GRM8: variants seen among roughly 807,000 people sequenced by gnomAD.
The protein encoded by GRM8 is metabotropic glutamate receptor 8.
A neutral mutation model predicts 87.2 loss-of-function variants in GRM8; 47 were observed. The ratio of observed to expected loss-of-function variants is 0.54; its 90% confidence interval spans 0.43 to 0.69. GRM8 has a LOEUF of 0.69. Among genes scored for constraint, GRM8 ranks in the 30% least tolerant of loss-of-function variants. The probability of loss-of-function intolerance (pLI) is 0.00; values close to 1 mark genes in which losing one functional copy is unlikely to be tolerated. For missense variants in GRM8, 1,019 were observed against 1,139.2 expected, an observed-to-expected ratio of 0.89 and a Z score of 1.52; for synonymous variants, 396 against 404.5, an observed-to-expected ratio of 0.98 and a Z score of 0.25.
At chr7:127,003,551 T>C (rs1367895581) in intron 3 of GRM8, among the ~76,000 whole-genome samples, 1 of 151,686 alleles carries the variant, frequency 6.6e-6, no homozygotes, top group Admixed American at 6.6e-5. Flanking sequence ...GCAATTTGTG[T>C]ACTAGAAGAG....
At chr7:126,439,999 G>T (rs1359246865) in intron 10 of GRM8, among the ~76,000 whole-genome samples, 1 of 151,852 alleles carries the variant, frequency 6.6e-6, no homozygotes, top group Non-Finnish European at 1.5e-5. Flanking sequence ...TTACAAACAA[G>T]TCAAAATTTA....
At chr7:126,608,523 G>A (rs1041664522) in intron 8 of GRM8, among the ~76,000 whole-genome samples, 1 of 152,142 alleles carries the variant, frequency 6.6e-6, no homozygotes, top group African/African-American at 2.4e-5. Context: ...CCCTCACATG[G>A]CCACTTGTGG....
intron 9 of GRM8, among the ~76,000 whole-genome samples, chr7:126,471,246 T>C (rs976780161): frequency 2.6e-5 from 4 of 152,218 alleles, no homozygotes; most frequent in Admixed American, 6.5e-5. Flanking sequence ...TTTAGTGTTT[T>C]AGACATGAAG....
chr7:126,837,323 A>G (rs188539509), intron 6 of GRM8, among the ~76,000 whole-genome samples: 5 of 152,358 alleles, frequency 3.3e-5, no homozygotes, highest in Admixed American at 6.5e-5. Context: ...ATGTTACATA[A>G]AAAGGAATCA....
chr7:126,977,830 G>A (rs545343067), intron 3 of GRM8, among the ~76,000 whole-genome samples: 2 of 152,252 alleles, frequency 1.3e-5, no homozygotes, highest in East Asian at 3.9e-4. Flanking sequence ...AAGGGAGAGT[G>A]GCCATGTGGA....
At chr7:126,468,821 G>A (rs1211930009) in intron 9 of GRM8, among the ~76,000 whole-genome samples, 1 of 152,054 alleles carries the variant, frequency 6.6e-6, no homozygotes, top group African/African-American at 2.4e-5. Flanking sequence ...GTGAATCTCA[G>A]GCAGCATGCT....
chr7:126,621,582 C>T (rs1222244496), intron 7 of GRM8, among the ~76,000 whole-genome samples: 1 of 151,986 alleles, frequency 6.6e-6, no homozygotes, highest in Admixed American at 6.6e-5. Flanking sequence ...CCATGCCTGG[C>T]CAATTTTTGT....
At chr7:126,985,980 C>T (rs1253586084) in intron 3 of GRM8, among the ~76,000 whole-genome samples, 2 of 152,116 alleles carry the variant, frequency 1.3e-5, no homozygotes, top group South Asian at 2.1e-4. Flanking sequence ...ATTCCTTTTT[C>T]ATGAGGGTTA....
intron 7 of GRM8, among the ~76,000 whole-genome samples, chr7:126,616,021 A>G (rs190475392): frequency 0.55 from 83,083 of 151,828 alleles, 22,958 homozygotes; most frequent in South Asian, 0.65. Flanking sequence ...TGCACAAAGC[A>G]GACCTAATAG....
chr7:127,070,699 T>C (rs1821587684), intron 3 of GRM8, among the ~76,000 whole-genome samples: 1 of 152,170 alleles, frequency 6.6e-6, no homozygotes, highest in African/African-American at 2.4e-5. Flanking sequence ...ATTATATGTA[T>C]AAATAAATTG....
intron 6 of GRM8, among the ~76,000 whole-genome samples, chr7:126,867,554 A>G (rs1171414098): frequency 6.6e-6 from 1 of 152,240 alleles, no homozygotes; most frequent in East Asian, 1.9e-4. Flanking sequence ...CCCAGTAAGT[A>G]ATTCTTGTCT....
chr7:126,501,700 A>C (rs1809669492), intron 9 of GRM8, among the ~76,000 whole-genome samples: 1 of 152,036 alleles, frequency 6.6e-6, no homozygotes, highest in Non-Finnish European at 1.5e-5. Flanking sequence ...TAACTCTTCA[A>C]GAGATCCAAA....
chr7:127,051,035 T>C (rs2132488023), intron 3 of GRM8, among the ~76,000 whole-genome samples: 1 of 152,330 alleles, frequency 6.6e-6, no homozygotes, highest in Non-Finnish European at 1.5e-5. Flanking sequence ...ATTTTTAAAT[T>C]ATATTCCAGA....
intron 3 of GRM8, among the ~76,000 whole-genome samples, chr7:127,017,798 A>G (rs1425288508): frequency 6.6e-6 from 1 of 152,098 alleles, no homozygotes; most frequent in East Asian, 1.9e-4. Context: ...AGAAGCAGGG[A>G]CAGAAAAATA....
At chr7:127,206,222 G>T (rs1795905098) in intron 2 of GRM8, among the ~76,000 whole-genome samples, 1 of 152,236 alleles carries the variant, frequency 6.6e-6, no homozygotes, top group South Asian at 2.1e-4. Flanking sequence ...CCAGCAATGT[G>T]CTTTGCGATT....
At chr7:127,057,696 C>T (rs1338995172) in intron 3 of GRM8, among the ~76,000 whole-genome samples, 2 of 151,808 alleles carry the variant, frequency 1.3e-5, no homozygotes, top group African/African-American at 4.8e-5. Flanking sequence ...ATCATTTTAC[C>T]TGGCACTCTA....
At chr7:126,598,632 T>C (rs193258502) in intron 8 of GRM8, among the ~76,000 whole-genome samples, 24 of 151,842 alleles carry the variant, frequency 1.6e-4, no homozygotes, top group African/African-American at 5.1e-4. Flanking sequence ...AGTAGATAAA[T>C]AGGCAAGAGA....
intron 3 of GRM8, among the ~76,000 whole-genome samples, chr7:126,989,723 C>CT (rs1442247442): frequency 6.6e-6 from 1 of 152,214 alleles, no homozygotes; most frequent in African/African-American, 2.4e-5. Context: ...AGGCAGATTG[C>CT]TTGAACCCAG....
intron 7 of GRM8, among the ~76,000 whole-genome samples, chr7:126,643,703 C>A (rs1271898634): frequency 6.6e-6 from 1 of 152,134 alleles, no homozygotes; most frequent in African/African-American, 2.4e-5. Flanking sequence ...TCAAGAAAAA[C>A]TGTTTAATAT....
Sources: gnomAD v4.1 joint callset for allele counts (sites outside exome capture counted in the v4.1 genomes callset) on GRCh38, gnomAD v4.1.1 for gene constraint, MANE v1.5 for transcripts, NCBI Gene and HGNC (gene_info 2026-07-23, HGNC 2026-07-21) for gene names.